The following GABRB2 variants were observed in gnomAD, a reference collection of about 807,000 sequenced individuals.
GABRB2 encodes the protein gamma-aminobutyric acid receptor subunit beta-2.
In GABRB2, 16 loss-of-function variants were observed where a neutral mutation model predicts 54.7. That is an observed-to-expected ratio of 0.29 (90% CI 0.20 to 0.44). GABRB2 has a LOEUF of 0.44. Ranked by LOEUF, GABRB2 falls within the 20% of genes least tolerant of loss-of-function variation. The pLI is 1.00. For missense variants in GABRB2, 355 were observed against 644.0 expected (o/e 0.55, Z 4.86); for synonymous variants, 244 against 233.8 (o/e 1.04, Z -0.40).
At chr5:161,295,038 G>T (rs1757344669) in intron 9 of GABRB2, among the ~76,000 whole-genome samples, 1 of 152,170 alleles carries the variant, frequency 6.6e-6, no homozygotes, top group African/African-American at 2.4e-5. Context: ...AAATAGTGTT[G>T]AAGAATAAAA....
At chr5:161,381,297 A>G (rs907019592) in intron 5 of GABRB2, among the ~76,000 whole-genome samples, 4 of 152,188 alleles carry the variant, frequency 2.6e-5, no homozygotes, top group African/African-American at 9.7e-5. Flanking sequence ...CCTTAGATAT[A>G]TCAGATATTC....
chr5:161,440,827 G>A (rs549323400), intron 4 of GABRB2, among the ~76,000 whole-genome samples: 2 of 152,204 alleles, frequency 1.3e-5, no homozygotes, highest in African/African-American at 2.4e-5. Flanking sequence ...CACCTACAGT[G>A]AACCCATTTT....
intron 3 of GABRB2, among the ~76,000 whole-genome samples, chr5:161,516,427 A>G (rs1759950480): frequency 6.6e-6 from 1 of 152,114 alleles, no homozygotes; most frequent in Admixed American, 6.5e-5. Context: ...ATGAGTGCCT[A>G]CCAACAATGT....
At chr5:161,342,360 T>C (rs1754199139) in intron 5 of GABRB2, among the ~76,000 whole-genome samples, 1 of 152,050 alleles carries the variant, frequency 6.6e-6, no homozygotes, top group African/African-American at 2.4e-5. Context: ...GTATAGTTAC[T>C]ATTATTAGTC....
rs112214536 is a variant in GABRB2, at chr5:161,503,696, C to T, written c.237+41531G>A. 5.6e-3 allele frequency among the ~76,000 whole-genome samples: 669 copies of T among 119,562 alleles called. 5 individuals carry two copies. Among genetic ancestry groups the T allele is most frequent in the African/African-American group, 0.021 (603 of 29,302 alleles). The allele number at this position is 119,562 out of a possible 152,430, so 78.4% of individuals were successfully genotyped here. A position where few individuals can be genotyped will look rare whatever the true frequency, so the allele number is the denominator to read the frequency against. On this transcript the variant is annotated intron_variant, in intron 3 of 9. Transcript: ENST00000393959. Reference sequence around the variant, plus strand: ...TGCACTCCCACCAGGGCAACAAGAGCGAAATTCCTTCTCAAAAAAAAAAAA... The same window carrying T: ...TGCACTCCCACCAGGGCAACAAGAGTGAAATTCCTTCTCAAAAAAAAAAAA...
At chr5:161,535,336 TA>T (rs1281944862) in intron 3 of GABRB2, among the ~76,000 whole-genome samples, 1 of 152,144 alleles carries the variant, frequency 6.6e-6, no homozygotes, top group African/African-American at 2.4e-5. Context: ...AGTACCTACT[TA>T]AAAAAACATA....
chr5:161,359,440 G>GACACACACACACAC lies in GABRB2; in HGVS notation c.542-22685_542-22672dup, dbSNP rs57251440. Among the ~76,000 whole-genome samples the GACACACACACACAC allele has an allele frequency of 3.7e-3, 546 of 147,808 alleles. 2 individuals carry two copies. Among genetic ancestry groups the GACACACACACACAC allele is most frequent in the South Asian group, 0.019 (89 of 4,614 alleles). On this transcript the variant is annotated intron_variant, in intron 5 of 9. Coordinates refer to ENST00000393959, the MANE Select transcript of GABRB2 (RefSeq NM_001371727.1). ...CTTTCAAGAGCACAAAATTGCATCTGACACACACACACACACACACACACA... is the reference window on the plus strand; with the variant it reads ...CTTTCAAGAGCACAAAATTGCATCTGACACACACACACACACACACACACACACACACACACACA...
intron 9 of GABRB2, among the ~76,000 whole-genome samples, chr5:161,311,831 T>C (rs1757876587): frequency 6.6e-6 from 1 of 152,224 alleles, no homozygotes; most frequent in African/African-American, 2.4e-5. Context: ...TTATGCATGT[T>C]AAAGATGAAG....
chr5:161,459,402 C>G, intron 4 of GABRB2: 1 of 565,956 alleles, frequency 1.8e-6, no homozygotes, highest in East Asian at 3.0e-5. Flanking sequence ...GGATCAGCAG[C>G]TGATATTGGA....
chr5:161,520,030 C>T (rs1300069202), intron 3 of GABRB2, among the ~76,000 whole-genome samples: 3 of 151,850 alleles, frequency 2.0e-5, no homozygotes, highest in Non-Finnish European at 2.9e-5. Flanking sequence ...TTAGATTTTG[C>T]ATGAAAATGG....
intron 1 of GABRB2, 37 bp from the exon 2 acceptor site, chr5:161,546,450 G>A (rs900783272): frequency 1.9e-6 from 3 of 1,595,272 alleles, no homozygotes; most frequent in Non-Finnish European, 2.6e-6. Context: ...GCATCAATAA[G>A]GAAGCAGGCA....
intron 5 of GABRB2, among the ~76,000 whole-genome samples, chr5:161,349,281 C>A (rs991882029): frequency 1.3e-5 from 2 of 151,754 alleles, no homozygotes; most frequent in African/African-American, 2.4e-5. Flanking sequence ...AACTACGGGA[C>A]CTATGAGAGA....
chr5:161,411,914 G>T (rs967711927), intron 4 of GABRB2, among the ~76,000 whole-genome samples: 26 of 151,984 alleles, frequency 1.7e-4, no homozygotes, highest in African/African-American at 6.3e-4. Flanking sequence ...CCAAATGTAG[G>T]TATGAGTTCC....
intron 5 of GABRB2, among the ~76,000 whole-genome samples, chr5:161,376,700 T>C (rs1286053961): frequency 6.6e-6 from 1 of 152,104 alleles, no homozygotes; most frequent in African/African-American, 2.4e-5. Flanking sequence ...CAGCCCAACA[T>C]TAACCAATAC....
chr5:161,529,066 CT>C (rs1298417309), intron 3 of GABRB2, among the ~76,000 whole-genome samples: 1 of 151,768 alleles, frequency 6.6e-6, no homozygotes, highest in Non-Finnish European at 1.5e-5. Context: ...TTAGCATATA[CT>C]TTTTTTCAGA....
chr5:161,489,172 A>AGT (rs1441413802), intron 3 of GABRB2, among the ~76,000 whole-genome samples: 1 of 151,682 alleles, frequency 6.6e-6, no homozygotes, highest in Admixed American at 6.6e-5. Context: ...TTTTCTAATC[A>AGT]GTTTCTTCCC....
intron 5 of GABRB2, among the ~76,000 whole-genome samples, chr5:161,358,579 T>G (rs1423372260): frequency 1.3e-5 from 2 of 152,104 alleles, no homozygotes; most frequent in East Asian, 3.9e-4. Context: ...GCTGGCGCCA[T>G]CCCCTTGAGT....
chr5:161,432,008 A>G (rs1757183555), intron 4 of GABRB2, among the ~76,000 whole-genome samples: 1 of 152,212 alleles, frequency 6.6e-6, no homozygotes, highest in Non-Finnish European at 1.5e-5. Context: ...AGTTATACAG[A>G]GAAGAATACA....
intron 3 of GABRB2, among the ~76,000 whole-genome samples, chr5:161,474,776 C>A (rs1222080125): frequency 1.3e-5 from 2 of 151,924 alleles, no homozygotes; most frequent in East Asian, 3.9e-4. Flanking sequence ...GTCTTTTTCT[C>A]TAACTACATT....
Sources: allele counts gnomAD v4.1 joint callset (sites outside exome capture counted in the v4.1 genomes callset), GRCh38; gene constraint gnomAD v4.1.1; transcripts MANE v1.5; gene names NCBI Gene and HGNC (gene_info 2026-07-23, HGNC 2026-07-21).